Variants in LPP observed in about 807,000 individuals in gnomAD.
LPP encodes the protein lipoma-preferred partner.
In LPP, 38 loss-of-function variants were observed where a neutral mutation model predicts 60.4. The observed-to-expected ratio is 0.63, with a 90% confidence interval of 0.49 to 0.83. The LOEUF is 0.83. Among genes scored for constraint, LPP ranks in the 40% least tolerant of loss-of-function variants. The pLI is 0.00. For synonymous variants in LPP, 328 were observed against 290.8 expected (o/e 1.13, Z -1.30); for missense variants, 902 against 783.6 (o/e 1.15, Z -1.80).
rs1041011831 is a variant in LPP, at chr3:188,485,075, G to A, written c.306+371G>A. 1.8e-4 allele frequency among the ~76,000 whole-genome samples: 27 copies of A among 152,182 alleles called. 1 individual carries two copies. The South Asian group carries it at 4.6e-3, about 26-fold the overall frequency. On this transcript the variant is annotated intron_variant, in intron 5 of 11. Coordinates refer to ENST00000617246, the MANE Select transcript of LPP (RefSeq NM_001375462.1). ...GCTATGTTCTCTATCTTCAAACATT[G>A]CATTCAAGTGAGTAAGGCTGACATT... is the stretch of plus-strand genomic sequence containing the variant.
chr3:188,581,467 T>G (rs1836089389), intron 6 of LPP, among the ~76,000 whole-genome samples: 1 of 152,172 alleles, frequency 6.6e-6, no homozygotes, highest in Admixed American at 6.5e-5. Context: ...GTACTGTTTA[T>G]ATTCTGCTTG....
intron 1 of LPP, among the ~76,000 whole-genome samples, chr3:188,199,426 G>T (rs1336116397): frequency 1.3e-5 from 2 of 152,080 alleles, no homozygotes; most frequent in Non-Finnish European, 2.9e-5. Context: ...TACAACGGAG[G>T]CTCCTTTTGG....
At chr3:188,673,442 C>T (rs1857353389) in intron 7 of LPP, among the ~76,000 whole-genome samples, 1 of 152,146 alleles carries the variant, frequency 6.6e-6, no homozygotes, top group South Asian at 2.1e-4. Context: ...TGACAGTGTA[C>T]AGCCTCTATA....
chr3:188,707,451 G>A (rs948729101), intron 7 of LPP, among the ~76,000 whole-genome samples: 1 of 152,118 alleles, frequency 6.6e-6, no homozygotes. Context: ...ATTTTGCTCT[G>A]TATGTCTTCA....
chr3:188,858,279 A>C (rs1025630115), intron 9 of LPP, among the ~76,000 whole-genome samples: 2 of 152,156 alleles, frequency 1.3e-5, no homozygotes, highest in African/African-American at 4.8e-5. Context: ...CTTCTCTGAT[A>C]TGTTCATTAT....
At chr3:188,843,556 G>T (rs1760590343) in intron 9 of LPP, among the ~76,000 whole-genome samples, 1 of 151,734 alleles carries the variant, frequency 6.6e-6, no homozygotes, top group Non-Finnish European at 1.5e-5. Context: ...GGGAGGCCGA[G>T]GCGGGCGGAT....
chr3:188,170,159 A>G (rs1309538362), intron 1 of LPP, among the ~76,000 whole-genome samples: 2 of 152,244 alleles, frequency 1.3e-5, no homozygotes, highest in African/African-American at 4.8e-5. Flanking sequence ...TTTTTGGCGC[A>G]GAACTTTCTG....
chr3:188,804,634 T>G (rs1748519354), intron 9 of LPP, among the ~76,000 whole-genome samples: 1 of 152,044 alleles, frequency 6.6e-6, no homozygotes, highest in Admixed American at 6.5e-5. Context: ...AGATTTAAAT[T>G]ACATTTTCTG....
chr3:188,211,419 C>T (rs547725942), intron 1 of LPP, among the ~76,000 whole-genome samples: 16 of 152,216 alleles, frequency 1.1e-4, no homozygotes, highest in East Asian at 1.9e-4. Context: ...AACAGTAGAA[C>T]GAGATCACTA....
chr3:188,306,291 G>T lies in LPP; in HGVS notation c.-66-35372G>T, dbSNP rs190009021. On this transcript the variant is annotated intron_variant, in intron 2 of 11. Coordinates refer to ENST00000617246, the MANE Select transcript of LPP (RefSeq NM_001375462.1). Reference sequence around the variant, plus strand: ...TTTAGTAGAGACGGGGTTTCACCATGTTGGTCAGGCTGGGCTTGAACTCCT... The same window carrying T: ...TTTAGTAGAGACGGGGTTTCACCATTTTGGTCAGGCTGGGCTTGAACTCCT... Among the ~76,000 whole-genome samples the T allele has an allele frequency of 1.7e-3, 251 of 150,728 alleles. 1 individual carries two copies. Among genetic ancestry groups the T allele is most frequent in the African/African-American group, 6.0e-3 (245 of 41,016 alleles).
chr3:188,788,912 C>T (rs1167118129), intron 9 of LPP, among the ~76,000 whole-genome samples: 1 of 152,148 alleles, frequency 6.6e-6, no homozygotes, highest in Non-Finnish European at 1.5e-5. Flanking sequence ...CAAGGTCTAA[C>T]TTATGCTGAC....
At chr3:188,603,737 G>C in intron 6 of LPP, among the ~76,000 whole-genome samples, 1 of 152,152 alleles carries the variant, frequency 6.6e-6, no homozygotes, top group East Asian at 1.9e-4. Flanking sequence ...AAAAGCACTT[G>C]AGGTATTCTT....
chr3:188,432,284 T>C (rs558772990), intron 4 of LPP, among the ~76,000 whole-genome samples: 2 of 152,278 alleles, frequency 1.3e-5, no homozygotes, highest in African/African-American at 4.8e-5. Context: ...CCAAAGTCTA[T>C]ACAAAAATAT....
At chr3:188,265,254 C>T (rs1343289176) in intron 2 of LPP, among the ~76,000 whole-genome samples, 3 of 152,024 alleles carry the variant, frequency 2.0e-5, no homozygotes, top group African/African-American at 2.4e-5. Context: ...GATGCTTTTC[C>T]GTGGATGGCA....
At position 188,883,732 on chromosome 3, in the gene LPP, CAAAAAAAA is replaced by C. The variant is rs71169028; in HGVS notation, c.*9268_*9275del. ...TGGGCGACAGAACGAGACTCCGTCT[CAAAAAAAA>C]AAAAAAAAAAAAAAGGTTGGGAAAT... On this transcript the variant is annotated 3_prime_UTR_variant, in exon 12 of 12. Coordinates refer to ENST00000617246, the MANE Select transcript of LPP (RefSeq NM_001375462.1). 19 of 70,498 alleles carry C rather than the reference CAAAAAAAA, an allele frequency of 2.7e-4. No homozygotes were observed. Among genetic ancestry groups the C allele is most frequent in the African/African-American group, 3.5e-4 (5 of 14,294 alleles). The allele number at this position is 70,498 out of a possible 1,614,324, so 4.4% of individuals were successfully genotyped here.
intron 9 of LPP, among the ~76,000 whole-genome samples, chr3:188,778,329 C>T (rs749431872): frequency 9.9e-5 from 15 of 152,088 alleles, no homozygotes; most frequent in Non-Finnish European, 1.8e-4. Context: ...GGAATATTTC[C>T]CAGCTCATTT....
rs1043435198 is a variant in LPP, at chr3:188,484,715, A to C, written c.306+11A>C. 6.3e-7 allele frequency: 1 copy of C among 1,580,452 alleles called. No individual in the cohort carries two copies. Among genetic ancestry groups the C allele is most frequent in the African/African-American group, 1.3e-5 (1 of 74,102 alleles). ...GCTTTCAAAGTACAGGTAAGAGCTG[A>C]AGTTAAAGTCATGTTAGGTAAGAGC... On this transcript the variant is annotated intron_variant, in intron 5 of 11. Coordinates refer to ENST00000617246, the MANE Select transcript of LPP (RefSeq NM_001375462.1).
intron 8 of LPP, among the ~76,000 whole-genome samples, chr3:188,756,242 A>G (rs971720900): frequency 6.6e-6 from 1 of 152,180 alleles, no homozygotes; most frequent in Non-Finnish European, 1.5e-5. Flanking sequence ...TAAAATAAGT[A>G]ATAATATATA....
At chr3:188,765,383 G>A (rs1733703351) in intron 9 of LPP, among the ~76,000 whole-genome samples, 1 of 150,986 alleles carries the variant, frequency 6.6e-6, no homozygotes, top group South Asian at 2.1e-4. Flanking sequence ...AACTCTCCTA[G>A]GAAGGAGAAA....
Sources: gnomAD v4.1 joint callset for allele counts (sites outside exome capture counted in the v4.1 genomes callset) on GRCh38, gnomAD v4.1.1 for gene constraint, MANE v1.5 for transcripts, NCBI Gene and HGNC (gene_info 2026-07-23, HGNC 2026-07-21) for gene names.